The following DNER variants were observed in gnomAD, a reference collection of about 807,000 sequenced individuals.
The protein encoded by DNER is delta and Notch-like epidermal growth factor-related receptor.
Under a neutral mutation model 78.2 loss-of-function variants are expected in DNER, and 33 were observed. The ratio of observed to expected loss-of-function variants is 0.42; its 90% CI spans 0.32 to 0.56. The LOEUF (loss-of-function observed/expected upper bound fraction) is 0.56, where lower values mean the gene tolerates loss of function less well. Among genes scored for constraint, DNER ranks in the 20% least tolerant of loss-of-function variants. DNER has a pLI of 0.11. For synonymous variants in DNER, 417 were observed against 384.8 expected, an observed-to-expected ratio of 1.08 and a Z score of -0.98; for missense variants, 918 against 975.3, an observed-to-expected ratio of 0.94 and a Z score of 0.78.
chr2:229,453,508 T>A (rs369188521), intron 7 of DNER, among the ~76,000 whole-genome samples: 2 of 152,154 alleles, frequency 1.3e-5, no homozygotes, highest in African/African-American at 2.4e-5. Context: ...TCATCATAGG[T>A]ATACATGACA....
chr2:229,598,830 GAC>G (rs1275974896), intron 1 of DNER, among the ~76,000 whole-genome samples: 1 of 152,052 alleles, frequency 6.6e-6, no homozygotes, highest in Non-Finnish European at 1.5e-5. Flanking sequence ...ACCTGCTCTG[GAC>G]ACACACCCCT....
chr2:229,469,680 C>T (rs765943787), intron 7 of DNER, among the ~76,000 whole-genome samples: 10 of 152,310 alleles, frequency 6.6e-5, no homozygotes, highest in East Asian at 1.9e-4. Flanking sequence ...TGGTGGCTCA[C>T]GCCTGTAATC....
chr2:229,552,155 G>A (rs1191835653), intron 4 of DNER, among the ~76,000 whole-genome samples: 1 of 152,094 alleles, frequency 6.6e-6, no homozygotes, highest in African/African-American at 2.4e-5. Context: ...TACCTTCTAG[G>A]GTAAAAGCAG....
chr2:229,565,601 A>G (rs907519060), intron 4 of DNER, among the ~76,000 whole-genome samples: 1 of 152,184 alleles, frequency 6.6e-6, no homozygotes, highest in East Asian at 1.9e-4. Context: ...CAAATTATAA[A>G]ATCTTTTTTT....
intron 1 of DNER, among the ~76,000 whole-genome samples, chr2:229,618,572 C>G (rs1433786056): frequency 6.6e-6 from 1 of 152,180 alleles, no homozygotes; most frequent in Non-Finnish European, 1.5e-5. Flanking sequence ...CCCGGACGCA[C>G]AGCCCACCCC....
chr2:229,625,518 G>A (rs1166943622), intron 1 of DNER, among the ~76,000 whole-genome samples: 1 of 152,210 alleles, frequency 6.6e-6, no homozygotes, highest in Non-Finnish European at 1.5e-5. Context: ...AGAAAACAAG[G>A]GAGACGGAGG....
At chr2:229,679,515 A>T (rs1217727629) in intron 1 of DNER, among the ~76,000 whole-genome samples, 3 of 152,274 alleles carry the variant, frequency 2.0e-5, no homozygotes, top group South Asian at 2.1e-4. Context: ...AAACAGAATG[A>T]TTATAGTCAT....
At chr2:229,616,208 C>G (rs11898749) in intron 1 of DNER, among the ~76,000 whole-genome samples, 1 of 152,102 alleles carries the variant, frequency 6.6e-6, no homozygotes, top group South Asian at 2.1e-4. Flanking sequence ...GCTACTACCA[C>G]GGACCACCAC....
At chr2:229,567,265 A>C (rs1417607912) in intron 4 of DNER, among the ~76,000 whole-genome samples, 1 of 152,188 alleles carries the variant, frequency 6.6e-6, no homozygotes, top group Non-Finnish European at 1.5e-5. Context: ...TTTTCTATTT[A>C]TTCTGCACCC....
intron 1 of DNER, among the ~76,000 whole-genome samples, chr2:229,698,284 T>C (rs1312015079): frequency 6.6e-6 from 1 of 152,178 alleles, no homozygotes; most frequent in African/African-American, 2.4e-5. Context: ...GAATGGCCTC[T>C]GTCAACAGCC....
At chr2:229,647,191 T>C (rs1304470595) in intron 1 of DNER, among the ~76,000 whole-genome samples, 2 of 151,926 alleles carry the variant, frequency 1.3e-5, no homozygotes, top group Non-Finnish European at 2.9e-5. Flanking sequence ...CATACATACA[T>C]ACATACAGGG....
chr2:229,711,217 G>C (rs947419324), intron 1 of DNER, among the ~76,000 whole-genome samples: 1 of 152,096 alleles, frequency 6.6e-6, no homozygotes, highest in African/African-American at 2.4e-5. Flanking sequence ...CCAAAGGAGG[G>C]AACCCCTGGG....
At chr2:229,516,799 A>G (rs1434569521) in intron 5 of DNER, among the ~76,000 whole-genome samples, 2 of 148,638 alleles carry the variant, frequency 1.3e-5, no homozygotes, top group African/African-American at 2.5e-5. Flanking sequence ...AAAAAAAAAA[A>G]AAAAAGAAAA....
chr2:229,566,314 A>G (rs1306818989), intron 4 of DNER, among the ~76,000 whole-genome samples: 4 of 152,210 alleles, frequency 2.6e-5, no homozygotes, highest in South Asian at 2.1e-4. Flanking sequence ...GGTCAAGGTC[A>G]TATGAAAGAA....
At chr2:229,391,232 T>C (rs550190981) in intron 10 of DNER, among the ~76,000 whole-genome samples, 139 of 152,380 alleles carry the variant, frequency 9.1e-4, no homozygotes, top group South Asian at 2.5e-3. Flanking sequence ...TGTATATGCA[T>C]TTCAACACCA....
intron 1 of DNER, among the ~76,000 whole-genome samples, chr2:229,634,062 G>T (rs540951358): frequency 1.3e-5 from 2 of 152,180 alleles, no homozygotes; most frequent in Admixed American, 6.5e-5. Context: ...CTGTGACTTT[G>T]TCCTCTCCTA....
intron 4 of DNER, among the ~76,000 whole-genome samples, chr2:229,583,582 T>C (rs981850492): frequency 6.6e-6 from 1 of 152,230 alleles, no homozygotes; most frequent in African/African-American, 2.4e-5. Context: ...AAGTATCTTC[T>C]GGTAACGTTA....
At chr2:229,462,123 T>C (rs1694715731) in intron 7 of DNER, among the ~76,000 whole-genome samples, 1 of 152,130 alleles carries the variant, frequency 6.6e-6, no homozygotes, top group Admixed American at 6.5e-5. Flanking sequence ...TGAACATTAC[T>C]GCTGAATTAT....
chr2:229,444,822 G>A (rs1694307919), intron 8 of DNER, among the ~76,000 whole-genome samples: 1 of 152,106 alleles, frequency 6.6e-6, no homozygotes, highest in African/African-American at 2.4e-5. Context: ...CCGGGAGGCA[G>A]AGGTTGAAGC....
Sources: allele counts gnomAD v4.1 joint callset (sites outside exome capture counted in the v4.1 genomes callset), GRCh38; gene constraint gnomAD v4.1.1; transcripts MANE v1.5; gene names NCBI Gene and HGNC (gene_info 2026-07-23, HGNC 2026-07-21).